The following DOCK7 variants were observed in gnomAD, a reference collection of about 807,000 sequenced individuals.
The protein encoded by DOCK7 is dedicator of cytokinesis 7.
In DOCK7, 138 loss-of-function variants were observed where a neutral mutation model predicts 271.0. The observed-to-expected ratio is 0.51, with a 90% CI of 0.44 to 0.59. The LOEUF (loss-of-function observed/expected upper bound fraction) is 0.59. Among genes scored for constraint, DOCK7 ranks in the 20% least tolerant of loss-of-function variants. The probability of loss-of-function intolerance (pLI) is 0.00; values close to 1 mark genes in which losing one functional copy is unlikely to be tolerated. For synonymous variants in DOCK7, 823 were observed against 876.1 expected, an observed-to-expected ratio of 0.94 and a Z score of 1.07; for missense variants, 2,066 against 2,592.4, an observed-to-expected ratio of 0.80 and a Z score of 4.41.
At chr1:62,525,160 C>A (rs1433564598) in intron 31 of DOCK7, among the ~76,000 whole-genome samples, 5 of 151,066 alleles carry the variant, frequency 3.3e-5, no homozygotes, top group Non-Finnish European at 7.4e-5. Flanking sequence ...CGCCCACCAC[C>A]ATGTCTGGCT....
At chr1:62,645,857 A>G (rs1168084) in intron 7 of DOCK7, among the ~76,000 whole-genome samples, 148,727 of 152,304 alleles carry the variant, frequency 0.98, 72,719 homozygotes, top group Middle Eastern at 1. Flanking sequence ...ACAAAAAAAT[A>G]AACTACTCGG....
chr1:62,683,659 G>A (rs1661410024), intron 1 of DOCK7, among the ~76,000 whole-genome samples: 1 of 152,278 alleles, frequency 6.6e-6, no homozygotes, highest in South Asian at 2.1e-4. Flanking sequence ...AAAAGAGTAG[G>A]CCAGGTAGCT....
intron 1 of DOCK7, among the ~76,000 whole-genome samples, chr1:62,682,551 A>C (rs541530076): frequency 6.6e-6 from 1 of 152,306 alleles, no homozygotes; most frequent in Admixed American, 6.5e-5. Context: ...GTAACTTTTT[A>C]AAAAAACAGC....
intron 1 of DOCK7, among the ~76,000 whole-genome samples, chr1:62,665,008 A>T (rs1298610390): frequency 6.6e-6 from 1 of 152,168 alleles, no homozygotes; most frequent in Admixed American, 6.5e-5. Flanking sequence ...TATTTATTTG[A>T]AACAGAGTCT....
intron 49 of DOCK7, 62 bp downstream of exon 49, chr1:62,457,476 C>T: frequency 4.7e-6 from 7 of 1,495,044 alleles, no homozygotes; most frequent in Middle Eastern, 1.8e-4. Context: ...AAGACTTCTA[C>T]TAGTTTAACA....
chr1:62,677,352 T>C (rs922756524), intron 1 of DOCK7, among the ~76,000 whole-genome samples: 1 of 152,152 alleles, frequency 6.6e-6, no homozygotes, highest in African/African-American at 2.4e-5. Flanking sequence ...CCTTGGATCT[T>C]TTCTGCCACA....
chr1:62,478,418 T>C (rs1047199997), intron 43 of DOCK7: 3 of 152,110 alleles, frequency 2.0e-5, no homozygotes, highest in Non-Finnish European at 2.9e-5. Context: ...TAAATTATTA[T>C]TATTATTATT....
intron 29 of DOCK7, among the ~76,000 whole-genome samples, chr1:62,531,925 G>T (rs187718083): frequency 6.6e-6 from 1 of 152,302 alleles, no homozygotes; most frequent in African/African-American, 2.4e-5. Context: ...CTGTTCTCAT[G>T]CTCTCACATG....
chr1:62,567,457 AAAC>A (rs1216001458), intron 18 of DOCK7, among the ~76,000 whole-genome samples: 3 of 152,134 alleles, frequency 2.0e-5, no homozygotes, highest in Non-Finnish European at 4.4e-5. Context: ...ACAGAAAACC[AAAC>A]ACCACATGTT....
intron 42 of DOCK7, chr1:62,487,834 A>G (rs1646340878): frequency 6.2e-6 from 1 of 161,950 alleles, no homozygotes; most frequent in African/African-American, 2.4e-5. Flanking sequence ...CCTAACATTT[A>G]TAATTTGCAA....
intron 43 of DOCK7, chr1:62,486,054 T>G (rs1219219071): frequency 1.3e-5 from 2 of 152,088 alleles, no homozygotes; most frequent in Non-Finnish European, 2.9e-5. Flanking sequence ...ATTTATTATT[T>G]TATGCCTAAT....
intron 48 of DOCK7, 75 bp from the exon 49 acceptor site, chr1:62,457,780 T>C: frequency 2.3e-6 from 3 of 1,317,098 alleles, no homozygotes; most frequent in African/African-American, 1.5e-5. Flanking sequence ...ACACGCAAAA[T>C]ACATATACAT....
intron 48 of DOCK7, among the ~76,000 whole-genome samples, chr1:62,470,929 C>T (rs943543965): frequency 3.9e-5 from 6 of 152,068 alleles, no homozygotes; most frequent in African/African-American, 1.4e-4. Context: ...CCCCTGCTAC[C>T]TCCCCCACCT....
chr1:62,520,123 C>T (rs1350390013), intron 31 of DOCK7, among the ~76,000 whole-genome samples: 5 of 152,188 alleles, frequency 3.3e-5, no homozygotes, highest in South Asian at 2.1e-4. Context: ...AAGACTTAAA[C>T]GTAAGACCTA....
At chr1:62,628,867 T>C (rs1284256605) in intron 11 of DOCK7, 1 of 152,092 alleles carries the variant, frequency 6.6e-6, no homozygotes, top group Non-Finnish European at 1.5e-5. Context: ...ATTTAAAAAA[T>C]AGGCATCAAC....
chr1:62,617,112 C>T (rs908305093), intron 14 of DOCK7, among the ~76,000 whole-genome samples: 11 of 145,630 alleles, frequency 7.6e-5, no homozygotes, highest in Admixed American at 6.8e-4. Flanking sequence ...AAAAAAAATG[C>T]AAAGAAAATG....
At chr1:62,470,947 C>T (rs1159999716) in intron 48 of DOCK7, among the ~76,000 whole-genome samples, 1 of 152,108 alleles carries the variant, frequency 6.6e-6, no homozygotes, top group Non-Finnish European at 1.5e-5. Context: ...CCTCCTCTGC[C>T]TCTGCCACTC....
intron 4 of DOCK7, among the ~76,000 whole-genome samples, chr1:62,649,246 C>T (rs1388762294): frequency 6.6e-6 from 1 of 152,116 alleles, no homozygotes; most frequent in African/African-American, 2.4e-5. Context: ...ACTGAAGGAA[C>T]ATTTTAGTTG....
intron 22 of DOCK7, among the ~76,000 whole-genome samples, chr1:62,547,854 TA>T (rs2149410042): frequency 6.6e-6 from 1 of 152,342 alleles, no homozygotes; most frequent in East Asian, 1.9e-4. Flanking sequence ...TAAATATTCT[TA>T]AATTTTAGGA....
Sources: gnomAD v4.1 joint callset for allele counts (sites outside exome capture counted in the v4.1 genomes callset) on GRCh38, gnomAD v4.1.1 for gene constraint, MANE v1.5 for transcripts, NCBI Gene and HGNC (gene_info 2026-07-23, HGNC 2026-07-21) for gene names.